NPAS3: variants seen among roughly 807,000 people sequenced by gnomAD.
NPAS3 encodes the protein neuronal PAS domain protein 3.
In NPAS3, 14 loss-of-function variants were observed where a neutral mutation model predicts 73.1. The ratio of observed to expected loss-of-function variants is 0.19; its 90% CI spans 0.13 to 0.30. NPAS3 has a LOEUF of 0.30. Ranked by LOEUF, NPAS3 falls within the 10% of genes least tolerant of loss-of-function variation. The pLI is 1.00. For synonymous variants in NPAS3, 620 were observed against 541.5 expected (o/e 1.14, Z -2.01); for missense variants, 1,096 against 1,250.0 (o/e 0.88, Z 1.86).
intron 1 of NPAS3, among the ~76,000 whole-genome samples, chr14:33,047,865 G>C (rs148988631): frequency 1.9e-4 from 29 of 152,214 alleles, no homozygotes; most frequent in African/African-American, 6.7e-4. Context: ...GTTTGTGCTA[G>C]GTGTTTCTTC....
intron 2 of NPAS3, among the ~76,000 whole-genome samples, chr14:33,060,644 T>C (rs1445575775): frequency 6.6e-6 from 1 of 152,222 alleles, no homozygotes; most frequent in African/African-American, 2.4e-5. Flanking sequence ...CTTTGTGAAA[T>C]TCATTCCACC....
intron 2 of NPAS3, among the ~76,000 whole-genome samples, chr14:33,210,901 T>G (rs1234305071): frequency 6.6e-6 from 1 of 152,050 alleles, no homozygotes; most frequent in Non-Finnish European, 1.5e-5. Flanking sequence ...ATAGGCAAAA[T>G]GAGGACTGTA....
intron 3 of NPAS3, among the ~76,000 whole-genome samples, chr14:33,261,513 TA>T (rs1046879907): frequency 6.6e-6 from 1 of 152,080 alleles, no homozygotes; most frequent in Non-Finnish European, 1.5e-5. Context: ...ATTATACCAG[TA>T]AAAAATATAT....
At chr14:33,404,845 A>G (rs75291402) in intron 4 of NPAS3, among the ~76,000 whole-genome samples, 2,631 of 152,208 alleles carry the variant, frequency 0.017, 74 homozygotes, top group African/African-American at 0.059. Flanking sequence ...GAACATATTC[A>G]GGGAGTTCTA....
chr14:33,715,590 G>A (rs141463850), intron 6 of NPAS3, among the ~76,000 whole-genome samples: 2 of 152,260 alleles, frequency 1.3e-5, no homozygotes, highest in African/African-American at 4.8e-5. Flanking sequence ...GTCTGTGTTG[G>A]AATGGGCTAA....
chr14:33,578,269 C>A (rs2056525377), intron 5 of NPAS3: 1 of 455,068 alleles, frequency 2.2e-6, no homozygotes, highest in Non-Finnish European at 4.4e-6. Flanking sequence ...TCTCAGCTCA[C>A]CACAACCTCC....
chr14:33,170,276 T>C (rs1434369253), intron 2 of NPAS3, among the ~76,000 whole-genome samples: 2 of 152,240 alleles, frequency 1.3e-5, no homozygotes, highest in African/African-American at 4.8e-5. Flanking sequence ...AATAGCCTTA[T>C]GTCTATAAAA....
At chr14:33,071,916 A>T (rs934289042) in intron 2 of NPAS3, among the ~76,000 whole-genome samples, 1 of 152,022 alleles carries the variant, frequency 6.6e-6, no homozygotes, top group African/African-American at 2.4e-5. Flanking sequence ...TTTGAGATGG[A>T]GTCTTGCTCC....
rs542216042 is a variant in NPAS3, at chr14:33,051,265, A to C, written c.51-4640A>C. Among the ~76,000 whole-genome samples, 356 of 122,132 alleles carry C rather than the reference A, an allele frequency of 2.9e-3. 2 individuals carry two copies. Among genetic ancestry groups the C allele is most frequent in the African/African-American group, 0.011 (297 of 26,854 alleles). The allele number at this position is 122,132 out of a possible 152,430, so 80.1% of individuals were successfully genotyped here. On this transcript the variant is annotated intron_variant, in intron 1 of 11. Coordinates refer to ENST00000356141, the Ensembl canonical transcript of NPAS3. ...GTCCGCAGTCCGGCCTGGGCAACAG[A>C]GCGAGACTCCGTCTCAAAAAAAAAA... is the stretch of plus-strand genomic sequence containing the variant.
chr14:33,326,248 G>A (rs2043699739), intron 3 of NPAS3, among the ~76,000 whole-genome samples: 1 of 151,958 alleles, frequency 6.6e-6, no homozygotes. Context: ...ATAGTGAAAG[G>A]GAAAAAAGCA....
intron 4 of NPAS3, among the ~76,000 whole-genome samples, chr14:33,415,370 C>A (rs539491865): frequency 1.6e-4 from 25 of 152,058 alleles, no homozygotes; most frequent in Admixed American, 1.1e-3. Flanking sequence ...TTGAGTAAAC[C>A]TTTTATTTAT....
intron 2 of NPAS3, among the ~76,000 whole-genome samples, chr14:33,075,232 A>G (rs1030421084): frequency 6.6e-6 from 1 of 152,208 alleles, no homozygotes; most frequent in African/African-American, 2.4e-5. Context: ...CTTGGTTAAC[A>G]GGATTTTCTT....
chr14:33,300,040 G>A (rs1289461213), intron 3 of NPAS3, among the ~76,000 whole-genome samples: 1 of 152,168 alleles, frequency 6.6e-6, no homozygotes. Flanking sequence ...AACCCTGCAA[G>A]ACCACTCCCA....
chr14:33,373,829 G>A (rs1039485216), intron 4 of NPAS3, among the ~76,000 whole-genome samples: 1 of 152,062 alleles, frequency 6.6e-6, no homozygotes, highest in East Asian at 1.9e-4. Context: ...CTCTCTGAGG[G>A]GACTGAGTAA....
intron 4 of NPAS3, among the ~76,000 whole-genome samples, chr14:33,500,451 G>C (rs990886057): frequency 6.6e-6 from 1 of 151,872 alleles, no homozygotes; most frequent in Non-Finnish European, 1.5e-5. Flanking sequence ...CATCTAGAAG[G>C]CTGCTACAGA....
intron 5 of NPAS3, among the ~76,000 whole-genome samples, chr14:33,566,315 C>T (rs970990911): frequency 5.9e-5 from 9 of 151,876 alleles, no homozygotes; most frequent in Non-Finnish European, 1.3e-4. Flanking sequence ...CCACGGGTGA[C>T]CTTATCGTTC....
chr14:33,000,375 C>G (rs2038761931), intron 1 of NPAS3, among the ~76,000 whole-genome samples: 1 of 152,130 alleles, frequency 6.6e-6, no homozygotes. Context: ...CTCCATACTG[C>G]ATTATATTTG....
intron 1 of NPAS3, among the ~76,000 whole-genome samples, chr14:32,944,933 A>G (rs2036190811): frequency 6.6e-6 from 1 of 152,228 alleles, no homozygotes; most frequent in Non-Finnish European, 1.5e-5. Context: ...TCCTGGCCCT[A>G]GACTGTAATG....
intron 3 of NPAS3, among the ~76,000 whole-genome samples, chr14:33,354,296 C>T (rs572050218): frequency 2.0e-5 from 3 of 152,160 alleles, no homozygotes; most frequent in Admixed American, 6.5e-5. Context: ...GCTGCTCAAC[C>T]GACTGCAGTG....
Sources: gnomAD v4.1 joint callset for allele counts (sites outside exome capture counted in the v4.1 genomes callset) on GRCh38, gnomAD v4.1.1 for gene constraint, MANE v1.5 for transcripts, NCBI Gene and HGNC (gene_info 2026-07-23, HGNC 2026-07-21) for gene names.